The following SEMA6A variants were observed in gnomAD, a reference collection of about 807,000 sequenced individuals.
The protein encoded by SEMA6A is semaphorin 6A, also known as semaphorin-6A.
SEMA6A carries 25 observed loss-of-function variants against 96.8 expected under a neutral mutation model. The observed-to-expected ratio is 0.26, with a 90% confidence interval of 0.19 to 0.36. The LOEUF (loss-of-function observed/expected upper bound fraction) is 0.36, where lower values mean the gene tolerates loss of function less well. Ranked by LOEUF, SEMA6A falls within the 10% of genes least tolerant of loss-of-function variation. The pLI is 1.00. For missense variants in SEMA6A, 1,363 were observed against 1,323.1 expected, an observed-to-expected ratio of 1.03 and a Z score of -0.47; for synonymous variants, 612 against 518.0, an observed-to-expected ratio of 1.18 and a Z score of -2.46.
chr5:116,568,821 T>TGTACACAC (rs1001366673), intron 1 of SEMA6A, among the ~76,000 whole-genome samples: 2 of 150,642 alleles, frequency 1.3e-5, no homozygotes, highest in African/African-American at 4.9e-5. Flanking sequence ...TGGAAGATTG[T>TGTACACAC]ACACACACAC....
intron 1 of SEMA6A, among the ~76,000 whole-genome samples, chr5:116,531,353 T>G (rs1023381297): frequency 1.3e-5 from 2 of 152,174 alleles, no homozygotes; most frequent in Non-Finnish European, 1.5e-5. Context: ...TCCCTCCAGC[T>G]TTTGGGAATT....
chr5:116,480,207 G>C lies in SEMA6A; in HGVS notation c.1165C>G (p.Leu389Val). The C allele has an allele frequency of 6.2e-7, 1 of 1,613,854 alleles. No homozygotes were observed. The highest frequency in any genetic ancestry group is 8.5e-7 in the Non-Finnish European group (1 of 1,179,806). ...ATSNEFPDDT[L>V]NFIKTHPLMD... ...AGCGGGTGCGTCTTGATGAAGTTCA[G>C]GGTATCATCAGGGAACTCATTGGAG... The change falls in exon 12 of 19, where the codon CTG becomes GTG. Residue 389 changes from leucine (L) to valine (V), a missense_variant. Coordinates refer to ENST00000343348, the MANE Select transcript of SEMA6A (RefSeq NM_020796.5).
chr5:116,563,374 TTTCA>T (rs1338457760), intron 1 of SEMA6A, among the ~76,000 whole-genome samples: 1 of 152,204 alleles, frequency 6.6e-6, no homozygotes, highest in Non-Finnish European at 1.5e-5. Flanking sequence ...CCAAGTGATA[TTTCA>T]TTCTTTGTAT....
intron 17 of SEMA6A, chr5:116,468,842 A>T (rs1755929646): frequency 6.6e-6 from 1 of 152,236 alleles, no homozygotes. Flanking sequence ...AAAGTAGGGC[A>T]GACTCACAAC....
chr5:116,463,138 T>A (rs952160994), intron 18 of SEMA6A, among the ~76,000 whole-genome samples: 1 of 152,198 alleles, frequency 6.6e-6, no homozygotes. Flanking sequence ...CAAAAAGAGA[T>A]AGTAGCAAGT....
At chr5:116,473,900 C>T (rs546033034) in intron 16 of SEMA6A, among the ~76,000 whole-genome samples, 9 of 152,240 alleles carry the variant, frequency 5.9e-5, no homozygotes, top group East Asian at 1.9e-4. Flanking sequence ...CAAGTGCCTC[C>T]GCAAGAGTGG....
Position 116,447,518 on chromosome 5 carries a change from C to T in SEMA6A, c.2188G>A (p.Gly730Ser). 3 of 1,614,070 alleles carry T rather than the reference C, an allele frequency of 1.9e-6. No individual in the cohort carries two copies. The highest frequency in any genetic ancestry group is 8.5e-7 in the Non-Finnish European group (1 of 1,179,908). Residue 730 changes from glycine to serine, a missense_variant, in exon 19 of 19, where the codon GGC becomes AGC. Coordinates refer to ENST00000343348, the MANE Select transcript of SEMA6A (RefSeq NM_020796.5). ...GTGTTGCCGGGAGTGGCGAGCTTGC[C>T]GTTGTGCATGAGTGGCGTGAGGATG... ...EAILTPLMHN[G>S]KLATPGNTAK...
chr5:116,537,298 A>G (rs966813868), intron 1 of SEMA6A, among the ~76,000 whole-genome samples: 6 of 152,344 alleles, frequency 3.9e-5, no homozygotes, highest in African/African-American at 1.2e-4. Context: ...CTTACTTTGT[A>G]AAGAAGCTGT....
At chr5:116,448,489 A>G (rs181668485) in intron 18 of SEMA6A, among the ~76,000 whole-genome samples, 2 of 152,264 alleles carry the variant, frequency 1.3e-5, no homozygotes, top group East Asian at 3.9e-4. Context: ...TTCCCTTCCT[A>G]GAACTGGGAT....
intron 1 of SEMA6A, among the ~76,000 whole-genome samples, chr5:116,557,881 C>G (rs1760669124): frequency 6.6e-6 from 1 of 152,150 alleles, no homozygotes; most frequent in African/African-American, 2.4e-5. Flanking sequence ...AGGGCAGCCT[C>G]CAAGTAAAGT....
intron 1 of SEMA6A, among the ~76,000 whole-genome samples, chr5:116,551,445 A>T (rs936215079): frequency 1.3e-5 from 2 of 152,156 alleles, no homozygotes; most frequent in Non-Finnish European, 2.9e-5. Flanking sequence ...ACACTTATCT[A>T]GTGCTTATGA....
chr5:116,546,197 A>G (rs1446590626), intron 1 of SEMA6A, among the ~76,000 whole-genome samples: 1 of 152,206 alleles, frequency 6.6e-6, no homozygotes, highest in Non-Finnish European at 1.5e-5. Flanking sequence ...ATTTGCCCAC[A>G]TGGCCTTGGG....
chr5:116,536,866 TA>T (rs72214884), intron 1 of SEMA6A, among the ~76,000 whole-genome samples: 3,824 of 69,308 alleles, frequency 0.055, 52 homozygotes, highest in Admixed American at 0.062. Flanking sequence ...TGTGATTTCT[TA>T]AAAAAAAAAA....
chr5:116,519,681 A>G (rs145965043), intron 1 of SEMA6A, among the ~76,000 whole-genome samples: 4 of 149,552 alleles, frequency 2.7e-5, no homozygotes, highest in Non-Finnish European at 5.9e-5. Context: ...ACACACACAC[A>G]CACACACACA....
intron 1 of SEMA6A, among the ~76,000 whole-genome samples, chr5:116,534,724 T>C (rs1561522960): frequency 6.6e-6 from 1 of 152,244 alleles, no homozygotes; most frequent in Non-Finnish European, 1.5e-5. Context: ...GTTGATCTTT[T>C]GTCCCCGCTA....
At position 116,447,774 on chromosome 5, in the gene SEMA6A, C is replaced by T. The variant is rs1324600923; in HGVS notation, c.1932G>A (p.Gln644=). 4 of 1,608,490 alleles carry T rather than the reference C, an allele frequency of 2.5e-6. No individual in the cohort carries two copies. Among genetic ancestry groups the T allele is most frequent in the African/African-American group, 1.3e-5 (1 of 74,848 alleles). ...TGGCCAAGAGGGTGACGGGAACCAG[C>T]TGGTCGTGGCCTTTGAGGTAACTTT... is the stretch of plus-strand genomic sequence containing the variant. ...IRESYLKGHD[Q]LVPVTLLAIA... The change falls in exon 19 of 19, where the codon CAG becomes CAA. Residue 644 remains glutamine, a synonymous_variant. Coordinates refer to ENST00000343348, the MANE Select transcript of SEMA6A (RefSeq NM_020796.5).
At chr5:116,488,754 C>G (rs866571650) in intron 8 of SEMA6A, 134 bp downstream of exon 8, 45 of 1,129,048 alleles carry the variant, frequency 4.0e-5, no homozygotes, top group Middle Eastern at 4.1e-4. Context: ...GCCAAAGATG[C>G]AATTTACATG....
At chr5:116,508,781 C>T (rs573486659) in intron 1 of SEMA6A, among the ~76,000 whole-genome samples, 27 of 152,290 alleles carry the variant, frequency 1.8e-4, no homozygotes, top group African/African-American at 5.5e-4. Flanking sequence ...TCTCTCCAGA[C>T]GGAAACATTC....
At chr5:116,572,987 C>T (rs938767026) in intron 1 of SEMA6A, among the ~76,000 whole-genome samples, 2 of 152,186 alleles carry the variant, frequency 1.3e-5, no homozygotes, top group African/African-American at 2.4e-5. Context: ...TTTCCTTTCC[C>T]GACGTCCACA....
Sources: gnomAD v4.1 joint callset for allele counts (sites outside exome capture counted in the v4.1 genomes callset) on GRCh38, gnomAD v4.1.1 for gene constraint, MANE v1.5 for transcripts, NCBI Gene and HGNC (gene_info 2026-07-23, HGNC 2026-07-21) for gene names.